Variants in BRINP3 observed in about 807,000 individuals in gnomAD.
BRINP3 encodes the protein BMP/retinoic acid-inducible neural-specific protein 3.
A neutral mutation model predicts 71.0 loss-of-function variants in BRINP3; 19 were observed. The ratio of observed to expected loss-of-function variants is 0.27; its 90% confidence interval spans 0.19 to 0.39. The LOEUF (loss-of-function observed/expected upper bound fraction) is 0.39, where lower values mean the gene tolerates loss of function less well. BRINP3 is among the 10% of genes least tolerant of loss of function. The pLI is 1.00. For missense variants in BRINP3, 959 were observed against 940.8 expected (o/e 1.02, Z -0.25); for synonymous variants, 380 against 337.7 (o/e 1.13, Z -1.37).
intron 2 of BRINP3, among the ~76,000 whole-genome samples, chr1:190,308,298 A>G (rs1040585536): frequency 6.6e-6 from 1 of 151,986 alleles, no homozygotes; most frequent in East Asian, 1.9e-4. Flanking sequence ...AGCACTAGAT[A>G]AAAGAAAATC....
rs774607581 is a variant in BRINP3 at position 190,098,019 on chromosome 1, T to G, written c.2300A>C (p.Ter767SerextTer2). 3.2e-5 allele frequency: 51 copies of G among 1,598,336 alleles called. No homozygotes were observed. Among genetic ancestry groups the G allele is most frequent in the Admixed American group, 2.6e-4 (15 of 57,548 alleles). ...TTGGGTTGTGCTTGACATTTATGGT[T>G]AACTACATAATTTGGTCGTGTCATA... ...MDYDTTKLCS* is the reference protein window; with the variant it reads ...MDYDTTKLCSS Residue 767 changes from the stop codon to serine, a stop_lost, in exon 8 of 8, where the codon TAA becomes TCA. Transcript: ENST00000367462.
At chr1:190,425,765 T>A (rs1458282977) in intron 2 of BRINP3, among the ~76,000 whole-genome samples, 1 of 151,814 alleles carries the variant, frequency 6.6e-6, no homozygotes. Context: ...GTATACTTGT[T>A]AGAATTATTT....
At chr1:190,470,692 T>C (rs945433984) in intron 1 of BRINP3, among the ~76,000 whole-genome samples, 3 of 151,172 alleles carry the variant, frequency 2.0e-5, no homozygotes, top group Non-Finnish European at 3.0e-5. Flanking sequence ...GTTTAGTAGA[T>C]TGCATGTCAT....
chr1:190,433,130 T>C (rs1244996744), intron 2 of BRINP3, among the ~76,000 whole-genome samples: 1 of 152,174 alleles, frequency 6.6e-6, no homozygotes, highest in East Asian at 1.9e-4. Flanking sequence ...TTTAGTTTTG[T>C]TTTATGGACC....
chr1:190,191,858 A>G (rs945514807), intron 6 of BRINP3, among the ~76,000 whole-genome samples: 1 of 152,138 alleles, frequency 6.6e-6, no homozygotes, highest in Admixed American at 6.6e-5. Flanking sequence ...AGTTTTCAAC[A>G]TTGCTCCCCA....
At chr1:190,255,034 G>A (rs1044772333) in intron 4 of BRINP3, among the ~76,000 whole-genome samples, 1 of 146,634 alleles carries the variant, frequency 6.8e-6, no homozygotes, top group African/African-American at 2.6e-5. Flanking sequence ...ATAATCATGT[G>A]GTTTTTTTTT....
intron 2 of BRINP3, among the ~76,000 whole-genome samples, chr1:190,329,287 ACT>A (rs1666809161): frequency 6.6e-6 from 1 of 151,920 alleles, no homozygotes; most frequent in African/African-American, 2.4e-5. Flanking sequence ...AATCCTAGAG[ACT>A]CTTGCAAAAT....
At chr1:190,445,282 A>G (rs1675134089) in intron 2 of BRINP3, among the ~76,000 whole-genome samples, 1 of 152,150 alleles carries the variant, frequency 6.6e-6, no homozygotes, top group East Asian at 1.9e-4. Context: ...TAACTTTAAA[A>G]TACAATTTGA....
intron 2 of BRINP3, among the ~76,000 whole-genome samples, chr1:190,318,135 T>C (rs1360087140): frequency 6.6e-6 from 1 of 152,120 alleles, no homozygotes; most frequent in Non-Finnish European, 1.5e-5. Context: ...GTTTTAAGTT[T>C]AATCTTAATA....
Position 190,342,208 on chromosome 1 carries a change from AG to A in BRINP3, c.237-60459del, listed in dbSNP as rs1277881753. On this transcript the variant is annotated intron_variant, in intron 2 of 7. Coordinates refer to ENST00000367462, the MANE Select transcript of BRINP3 (RefSeq NM_199051.3). ...CTGGGTCACCTGGATAATCCAGAAT[AG>A]TCTCCCCATTAAGGAGGCTATCATA... Among the ~76,000 whole-genome samples, 3 of 151,704 alleles carry A rather than the reference AG, an allele frequency of 2.0e-5. No homozygotes were observed. In the South Asian group the frequency reaches 6.2e-4, roughly 32 times the overall value.
At chr1:190,395,449 C>A (rs58972243) in intron 2 of BRINP3, among the ~76,000 whole-genome samples, 2,475 of 151,734 alleles carry the variant, frequency 0.016, 74 homozygotes, top group African/African-American at 0.056. Flanking sequence ...TAAATGACTT[C>A]TCCAGATTTT....
chr1:190,330,300 C>T (rs1666881170), intron 2 of BRINP3, among the ~76,000 whole-genome samples: 1 of 151,990 alleles, frequency 6.6e-6, no homozygotes, highest in Non-Finnish European at 1.5e-5. Flanking sequence ...ATACAAGTAA[C>T]CCCATTAAAA....
chr1:190,268,844 A>G (rs1661870164), intron 3 of BRINP3, among the ~76,000 whole-genome samples: 1 of 152,142 alleles, frequency 6.6e-6, no homozygotes, highest in African/African-American at 2.4e-5. Flanking sequence ...AAGATTTGTA[A>G]ATCACTTCTG....
chr1:190,210,606 C>T (rs546123313), intron 6 of BRINP3, among the ~76,000 whole-genome samples: 7 of 152,180 alleles, frequency 4.6e-5, no homozygotes, highest in South Asian at 4.1e-4. Context: ...GGCAGTCATT[C>T]ATGCTCTTCT....
chr1:190,410,422 G>A (rs1203899097), intron 2 of BRINP3, among the ~76,000 whole-genome samples: 1 of 152,042 alleles, frequency 6.6e-6, no homozygotes, highest in Non-Finnish European at 1.5e-5. Context: ...TAAAATAAAG[G>A]TTTCATTACA....
chr1:190,170,258 A>G (rs1463073415), intron 6 of BRINP3, among the ~76,000 whole-genome samples: 1 of 152,150 alleles, frequency 6.6e-6, no homozygotes, highest in Non-Finnish European at 1.5e-5. Context: ...GAGAAAAAAA[A>G]TAGGAAAATA....
At chr1:190,387,213 T>A (rs1670968475) in intron 2 of BRINP3, among the ~76,000 whole-genome samples, 3 of 152,016 alleles carry the variant, frequency 2.0e-5, no homozygotes, top group Admixed American at 2.0e-4. Context: ...AGCCAAATTA[T>A]GACATTTAAT....
intron 2 of BRINP3, among the ~76,000 whole-genome samples, chr1:190,439,040 A>G (rs1266574628): frequency 1.3e-5 from 2 of 151,856 alleles, no homozygotes; most frequent in African/African-American, 4.8e-5. Context: ...TATTCTTTCT[A>G]TCTATTGTGT....
At chr1:190,141,973 A>G (rs967151600) in intron 7 of BRINP3, among the ~76,000 whole-genome samples, 2 of 152,180 alleles carry the variant, frequency 1.3e-5, no homozygotes, top group Non-Finnish European at 2.9e-5. Flanking sequence ...TATGAATAAA[A>G]GTTTAAAAAG....
Sources: gnomAD v4.1 joint callset for allele counts (sites outside exome capture counted in the v4.1 genomes callset) on GRCh38, gnomAD v4.1.1 for gene constraint, MANE v1.5 for transcripts, NCBI Gene and HGNC (gene_info 2026-07-23, HGNC 2026-07-21) for gene names.